Variants in COX15 observed in about 807,000 individuals in gnomAD.
COX15 encodes the protein heme A synthase COX15.
COX15 carries 51 observed loss-of-function variants against 51.9 expected under a neutral mutation model. That is an observed-to-expected ratio of 0.98 (90% CI 0.78 to 1.24). The LOEUF (loss-of-function observed/expected upper bound fraction) is 1.24, where lower values mean the gene tolerates loss of function less well. Among genes scored for constraint, COX15 ranks in the 50% most tolerant of loss-of-function variants. The pLI is 0.00. For missense variants in COX15, 420 were observed against 501.1 expected, an observed-to-expected ratio of 0.84 and a Z score of 1.55; for synonymous variants, 188 against 190.5, an observed-to-expected ratio of 0.99 and a Z score of 0.11.
At chr10:99,701,504 T>C in the COX15 span, among the ~76,000 whole-genome samples, 1 of 151,406 alleles carries the variant, frequency 6.6e-6, no homozygotes, top group Non-Finnish European at 1.5e-5. Flanking sequence ...GCCAGGCTGG[T>C]CTTGAACTCC....
intron 5 of COX15, among the ~76,000 whole-genome samples, chr10:99,722,115 C>T (rs2036794890): frequency 6.6e-6 from 1 of 152,178 alleles, no homozygotes; most frequent in South Asian, 2.1e-4. Flanking sequence ...ATCCACCCGC[C>T]TCAGCCTCCC....
chr10:99,723,139 A>G (rs2036833024), intron 5 of COX15: 1 of 152,484 alleles, frequency 6.6e-6, no homozygotes, highest in South Asian at 2.1e-4. Context: ...TACCTAATAT[A>G]AGACTCTTTT....
the COX15 span, among the ~76,000 whole-genome samples, chr10:99,700,428 GTGTGTGTGTGTGTGTGTT>G: frequency 7.6e-4 from 62 of 81,490 alleles, no homozygotes; most frequent in African/African-American, 2.4e-3. Context: ...GTGTGTGTGT[GTGTGTGTGTGTGTGTGTT>G]TATTGTCTGT....
rs767918294 is a variant in COX15, at chr10:99,721,314, T to C, written c.751-246A>G. 8.5e-4 allele frequency among the ~76,000 whole-genome samples: 130 copies of C among 152,364 alleles called. 3 individuals are homozygous for C. The highest frequency in any genetic ancestry group is 3.4e-3 in the Middle Eastern group (1 of 294). On this transcript the variant is annotated intron_variant, in intron 5 of 8. Coordinates refer to ENST00000016171, the MANE Select transcript of COX15 (RefSeq NM_078470.6). Reference sequence around the variant, plus strand: ...TGAAGGCAGGAACTGCCATCTTTTTTACTAGAGCAATCTTAGCCTAGTGAT... The same window carrying C: ...TGAAGGCAGGAACTGCCATCTTTTTCACTAGAGCAATCTTAGCCTAGTGAT...
At chr10:99,719,766 C>T (rs1017975836) in intron 6 of COX15, among the ~76,000 whole-genome samples, 9 of 152,238 alleles carry the variant, frequency 5.9e-5, no homozygotes, top group African/African-American at 2.2e-4. Context: ...GCTGGAATTA[C>T]AGGTGTGAGC....
chr10:99,712,235 C>T lies in COX15; in HGVS notation c.*2352G>A. 1 of 985,236 alleles carries T rather than the reference C, an allele frequency of 1.0e-6. No homozygotes were observed. The highest frequency in any genetic ancestry group is 1.7e-5 in the African/African-American group (1 of 57,352). 61.0% of individuals were successfully genotyped at this position (985,236 alleles called of 1,614,324 possible). On this transcript the variant is annotated 3_prime_UTR_variant, in exon 9 of 9. Transcript: ENST00000016171. ...CATATCACCACCTGAGAATGGTACA[C>T]TACAGGTCACAGAAACTTACAGAGT...
Position 99,712,939 on chromosome 10 carries a change from G to A in COX15, c.*1648C>T, listed in dbSNP as rs1590078010. 4 of 867,588 alleles carry A rather than the reference G, an allele frequency of 4.6e-6. No homozygotes were observed. Among genetic ancestry groups the A allele is most frequent in the Non-Finnish European group, 5.6e-6 (4 of 717,510 alleles). 53.7% of individuals were successfully genotyped at this position (867,588 alleles called of 1,614,324 possible). A position where few individuals can be genotyped will look rare whatever the true frequency, so the allele number is the denominator to read the frequency against. ...CAGGAATCTTGCTCTCTCTCCAGAT[G>A]TTCTCTGCTCCAGTTAAATATCCCT... On this transcript the variant is annotated 3_prime_UTR_variant, in exon 9 of 9. Transcript: ENST00000016171.
At position 99,713,159 on chromosome 10, in the gene COX15, T is replaced by G; in HGVS notation, c.*1428A>C. 7.4e-7 allele frequency: 1 copy of G among 1,343,198 alleles called. No individual in the cohort carries two copies. The highest frequency in any genetic ancestry group is 1.6e-5 in the South Asian group (1 of 62,044). The allele number at this position is 1,343,198 out of a possible 1,614,324, so 83.2% of individuals were successfully genotyped here. On this transcript the variant is annotated 3_prime_UTR_variant, in exon 9 of 9. Transcript: ENST00000016171. ...AAACCTGAAGTACCACTAATTTTTCTGTTATCATATAATAACAACATGAAT... is the reference window on the plus strand; with the variant it reads ...AAACCTGAAGTACCACTAATTTTTCGGTTATCATATAATAACAACATGAAT...
intron 7 of COX15, 82 bp downstream of exon 7, chr10:99,718,264 T>A: frequency 6.9e-7 from 1 of 1,443,850 alleles, no homozygotes; most frequent in Non-Finnish European, 9.7e-7. Context: ...CCTCTCAGTG[T>A]TGCCATCAGT....
intron 5 of COX15, among the ~76,000 whole-genome samples, chr10:99,723,518 T>C (rs908013038): frequency 3.1e-4 from 47 of 152,194 alleles, no homozygotes; most frequent in African/African-American, 1.1e-3. Context: ...CTATTATTAA[T>C]GAAGGCCTCA....
At chr10:99,730,320 C>G (rs1590108523) in intron 1 of COX15, among the ~76,000 whole-genome samples, 5 of 152,216 alleles carry the variant, frequency 3.3e-5, no homozygotes, top group Admixed American at 3.3e-4. Flanking sequence ...TGTAGTGATT[C>G]ACACCTGTAA....
In COX15 at chr10:99,720,792, T is replaced by TG. The variant is rs56288771; in HGVS notation, c.832+194_832+195insC. Among the ~76,000 whole-genome samples the TG allele has an allele frequency of 0.27, 41,295 of 151,942 alleles. 5,694 individuals carry two copies. The highest frequency in any genetic ancestry group is 0.3 in the Non-Finnish European group (20,565 of 67,934). On this transcript the variant is annotated intron_variant, in intron 6 of 8. Coordinates refer to ENST00000016171, the MANE Select transcript of COX15 (RefSeq NM_078470.6). ...CTGGATCTAGGTAGATGTTCAATATTTTTGTTCAATTGACAGTAAAGTAGA... is the reference window on the plus strand; with the variant it reads ...CTGGATCTAGGTAGATGTTCAATATTGTTTGTTCAATTGACAGTAAAGTAGA...
rs766874720 is a variant in COX15 at position 99,724,009 on chromosome 10, G to C, written c.697C>G (p.Leu233Val). The change falls in exon 5 of 9, where the codon CTT (leucine) becomes GTT (valine). Residue 233 changes from leucine (L) to valine (V), a missense_variant. Leu to Val is a conservative substitution (Grantham distance 32). Coordinates refer to ENST00000016171, the MANE Select transcript of COX15 (RefSeq NM_078470.6). Reference sequence around the variant, plus strand: ...GAGGTCCACAAGCTGGCACAATAAAGAACCAGGGCTGATCCCAGGTGGGCA... The same window carrying C: ...GAGGTCCACAAGCTGGCACAATAAACAACCAGGGCTGATCCCAGGTGGGCA... ...LAAHLGSALVLYCASLWTSLS... is the reference protein window; with the variant it reads ...LAAHLGSALVVYCASLWTSLS... 6.2e-7 allele frequency: 1 copy of C among 1,614,114 alleles called. No individual in the cohort carries two copies. Among genetic ancestry groups the C allele is most frequent in the Non-Finnish European group, 8.5e-7 (1 of 1,180,038 alleles).
At chr10:99,695,884 TTAGCAATGTCA>T in the COX15 span, 1 of 1,426,350 alleles carries the variant, frequency 7.0e-7, no homozygotes, top group Non-Finnish European at 9.6e-7. Flanking sequence ...GCCTCGTGTA[TTAGCAATGTCA>T]TAGCTTTCTA....
Position 99,716,549 on chromosome 10 carries a change from A to C in COX15, c.988-88T>G, listed in dbSNP as rs552169647. ...TGTATCTCCTCTAGAACCACTCAGC[A>C]ACCATGAAGTACTTTCCTGTACCAG... On this transcript the variant is annotated intron_variant, in intron 7 of 8. Coordinates refer to ENST00000016171, the MANE Select transcript of COX15 (RefSeq NM_078470.6). 48 of 884,424 alleles carry C rather than the reference A, an allele frequency of 5.4e-5. No individual in the cohort carries two copies. In the African/African-American group the frequency reaches 6.9e-4, roughly 13 times the overall value. The allele number at this position is 884,424 out of a possible 1,614,324, so 54.8% of individuals were successfully genotyped here.
intron 5 of COX15, 115 bp from the exon 6 acceptor site, chr10:99,721,183 C>T (rs751832937): frequency 7.7e-6 from 6 of 779,298 alleles, no homozygotes; most frequent in Non-Finnish European, 1.3e-5. Context: ...TCTCTGACCC[C>T]TAGACTAGGT....
chr10:99,724,099 T>C lies in COX15; in HGVS notation c.607A>G (p.Lys203Glu). ...FQGLLGWYMV[K>E]SGLEEKSDSH... is the part of the protein sequence containing the mutation. ...TCTGATTTTTCTTCTAGTCCACTTT[T>C]CACCATATACCATCCCAACAGACCC... The change falls in exon 5 of 9, where the codon AAA becomes GAA. Residue 203 changes from lysine to glutamate, a missense_variant. Physicochemically the swap from Lys to Glu is moderately conservative, Grantham distance 56. Coordinates refer to ENST00000016171, the MANE Select transcript of COX15 (RefSeq NM_078470.6). 2 of 1,614,156 alleles carry C rather than the reference T, an allele frequency of 1.2e-6. No individual in the cohort carries two copies. Among genetic ancestry groups the C allele is most frequent in the Non-Finnish European group, 1.7e-6 (2 of 1,180,028 alleles).
At chr10:99,694,297 GT>G in the COX15 span, among the ~76,000 whole-genome samples, 1 of 152,146 alleles carries the variant, frequency 6.6e-6, no homozygotes, top group Non-Finnish European at 1.5e-5. Context: ...AATATGTGGT[GT>G]TTTATGTCTG....
At chr10:99,727,296 C>T in intron 3 of COX15, 142 bp from the exon 4 acceptor site, 1 of 1,454,092 alleles carries the variant, frequency 6.9e-7, no homozygotes, top group Non-Finnish European at 9.5e-7. Flanking sequence ...CTCAGGATGA[C>T]TTTGGATTTG....
Sources: gnomAD v4.1 joint callset for allele counts (sites outside exome capture counted in the v4.1 genomes callset) on GRCh38, gnomAD v4.1.1 for gene constraint, MANE v1.5 for transcripts, NCBI Gene and HGNC (gene_info 2026-07-23, HGNC 2026-07-21) for gene names.